The following SNX19 variants were observed in gnomAD, a reference collection of about 807,000 sequenced individuals.
The protein encoded by SNX19 is sorting nexin 19, also known as sorting nexin-19.
In SNX19, 60 loss-of-function variants were observed where a neutral mutation model predicts 85.2. The observed-to-expected ratio is 0.70, with a 90% CI of 0.57 to 0.87. The LOEUF (loss-of-function observed/expected upper bound fraction) is 0.87, where lower values mean the gene tolerates loss of function less well. Ranked by LOEUF, SNX19 falls within the 40% of genes least tolerant of loss-of-function variation. The pLI is 0.00. For missense variants in SNX19, 1,201 were observed against 1,217.8 expected (o/e 0.99, Z 0.21); for synonymous variants, 520 against 470.0 (o/e 1.11, Z -1.38).
chr11:130,871,104 C>CA lies in SNX19; in HGVS notation c.*7317dup, dbSNP rs978650953. On this transcript the variant is annotated 3_prime_UTR_variant, in exon 11 of 11. Coordinates refer to ENST00000265909, the MANE Select transcript of SNX19 (RefSeq NM_014758.3). ...TACCACGTGGAAGGAAGGACATGAA[C>CA]AAAAAAATGAAAGCAGGAAGGAACA... Among the ~76,000 whole-genome samples the CA allele has an allele frequency of 6.6e-6, 1 of 151,846 alleles. No homozygotes were observed. The highest frequency in any genetic ancestry group is 2.4e-5 in the African/African-American group (1 of 41,332).
In SNX19 at chr11:130,916,077, A is replaced by G; in HGVS notation, c.-138T>C. On this transcript the variant is annotated 5_prime_UTR_variant, in exon 1 of 11. Transcript: ENST00000265909. ...CAGGGAACCGGGGCTCCAGGCCCTCAAAGTCCTACAGGCACTGCAAAGCGA... is the reference window on the plus strand; with the variant it reads ...CAGGGAACCGGGGCTCCAGGCCCTCGAAGTCCTACAGGCACTGCAAAGCGA... The G allele has an allele frequency of 1.4e-6, 1 of 724,516 alleles. No individual in the cohort carries two copies. Among genetic ancestry groups the G allele is most frequent in the Non-Finnish European group, 2.3e-6 (1 of 441,992 alleles). The allele number at this position is 724,516 out of a possible 1,614,324, so 44.9% of individuals were successfully genotyped here. A position where few individuals can be genotyped will look rare whatever the true frequency, so the allele number is the denominator to read the frequency against.
intron 8 of SNX19, among the ~76,000 whole-genome samples, chr11:130,881,294 G>A (rs1943646733): frequency 6.6e-6 from 1 of 152,198 alleles, no homozygotes; most frequent in Non-Finnish European, 1.5e-5. Flanking sequence ...CAATTCAACA[G>A]CCTGGGATAA....
intron 8 of SNX19, among the ~76,000 whole-genome samples, chr11:130,890,058 C>G (rs1271130655): frequency 6.6e-6 from 1 of 152,106 alleles, no homozygotes; most frequent in Non-Finnish European, 1.5e-5. Context: ...TAATCTATTA[C>G]TTTAGTAAGC....
At chr11:130,887,747 T>C (rs1944190770) in intron 8 of SNX19, among the ~76,000 whole-genome samples, 1 of 152,186 alleles carries the variant, frequency 6.6e-6, no homozygotes, top group African/African-American at 2.4e-5. Flanking sequence ...TCAGCTATTA[T>C]TTCTCCCCTA....
chr11:130,867,792 C>G lies in SNX19; in HGVS notation c.*10630G>C, dbSNP rs1417108664. 2 of 152,130 alleles carry G rather than the reference C, an allele frequency of 1.3e-5. No homozygotes were observed. Among genetic ancestry groups the G allele is most frequent in the Admixed American group, 1.3e-4 (2 of 15,264 alleles). 9.4% of individuals were successfully genotyped at this position (152,130 alleles called of 1,614,324 possible). A position where few individuals can be genotyped will look rare whatever the true frequency, so the allele number is the denominator to read the frequency against. On this transcript the variant is annotated 3_prime_UTR_variant, in exon 11 of 11. Coordinates refer to ENST00000265909, the MANE Select transcript of SNX19 (RefSeq NM_014758.3). ...CTGATATTACCAAGCTGGACAGCAT[C>G]TTTTCTATGATCCAGTTCAACTTCT... is the stretch of plus-strand genomic sequence containing the variant.
chr11:130,905,195 T>C (rs531028594), intron 7 of SNX19, among the ~76,000 whole-genome samples: 7 of 152,214 alleles, frequency 4.6e-5, no homozygotes, highest in African/African-American at 7.2e-5. Context: ...AGTACACATC[T>C]GCTCTTCTTC....
intron 8 of SNX19, among the ~76,000 whole-genome samples, chr11:130,882,725 A>C (rs1943767630): frequency 6.6e-6 from 1 of 152,178 alleles, no homozygotes; most frequent in South Asian, 2.1e-4. Flanking sequence ...CACTAGAGGG[A>C]GGTGGCTGCA....
chr11:130,910,479 T>A, intron 2 of SNX19, 109 bp from the exon 3 acceptor site: 1 of 842,932 alleles, frequency 1.2e-6, no homozygotes, highest in Non-Finnish European at 1.8e-6. Context: ...TTTCCTTGGA[T>A]TAAAAAAAAC....
chr11:130,898,805 C>T (rs1945054175), intron 8 of SNX19, among the ~76,000 whole-genome samples: 1 of 152,196 alleles, frequency 6.6e-6, no homozygotes, highest in African/African-American at 2.4e-5. Flanking sequence ...CTTAGGTTAG[C>T]TGCAAGTGTG....
At chr11:130,908,371 C>T (rs1296869415) in intron 4 of SNX19, 8 of 235,288 alleles carry the variant, frequency 3.4e-5, no homozygotes, top group Admixed American at 5.2e-5. Context: ...CTGAGTTCTG[C>T]GGGCTGGTGA....
intron 8 of SNX19, among the ~76,000 whole-genome samples, chr11:130,886,214 T>A (rs1406027201): frequency 6.6e-6 from 1 of 152,170 alleles, no homozygotes; most frequent in African/African-American, 2.4e-5. Context: ...AGAGGTCATA[T>A]CATCTGTTTT....
chr11:130,891,481 C>T (rs1375436563), intron 8 of SNX19, among the ~76,000 whole-genome samples: 1 of 152,116 alleles, frequency 6.6e-6, no homozygotes, highest in Non-Finnish European at 1.5e-5. Context: ...GTCAATTTTC[C>T]TGGGAAATAG....
At chr11:130,908,502 A>G (rs535043606) in intron 4 of SNX19, among the ~76,000 whole-genome samples, 1 of 152,364 alleles carries the variant, frequency 6.6e-6, no homozygotes, top group East Asian at 1.9e-4. Context: ...AGAGAAAGGA[A>G]AAGTGAAGAA....
chr11:130,879,292 C>G (rs1416545848), intron 10 of SNX19, among the ~76,000 whole-genome samples: 1 of 152,178 alleles, frequency 6.6e-6, no homozygotes, highest in Admixed American at 6.5e-5. Context: ...TTGGAAAGAG[C>G]ACTGAGCAAG....
Position 130,878,341 on chromosome 11 carries a change from G to A in SNX19, c.*81C>T, listed in dbSNP as rs1943385862. 3 of 1,480,284 alleles carry A rather than the reference G, an allele frequency of 2.0e-6. No homozygotes were observed. The highest frequency in any genetic ancestry group is 2.8e-5 in the African/African-American group (2 of 71,550). The allele number at this position is 1,480,284 out of a possible 1,614,324, so 91.7% of individuals were successfully genotyped here. ...CCTTCTTAGCTGTAGCCTACTTGAA[G>A]AGGGCACGGGCTTCCTGACTGGTCT... On this transcript the variant is annotated 3_prime_UTR_variant, in exon 11 of 11. Coordinates refer to ENST00000265909, the MANE Select transcript of SNX19 (RefSeq NM_014758.3).
intron 8 of SNX19, chr11:130,894,700 CAGAA>C: frequency 1.0e-6 from 1 of 985,410 alleles, no homozygotes; most frequent in Non-Finnish European, 1.2e-6. Context: ...AACACACATT[CAGAA>C]AGAAGCTGGC....
chr11:130,893,224 A>T (rs1189061009), intron 8 of SNX19, among the ~76,000 whole-genome samples: 1 of 152,198 alleles, frequency 6.6e-6, no homozygotes, highest in Non-Finnish European at 1.5e-5. Flanking sequence ...TGCTCGCAGA[A>T]GGGGCTGACC....
chr11:130,914,664 C>T lies in SNX19; in HGVS notation c.1276G>A (p.Glu426Lys). 1 of 1,613,970 alleles carries T rather than the reference C, an allele frequency of 6.2e-7. No homozygotes were observed. Among genetic ancestry groups the T allele is most frequent in the African/African-American group, 1.3e-5 (1 of 75,030 alleles). ...GEASEGAEAE[E>K]GPGTETETGL... ...GTCTCTGTTTCTGTCCCTGGACCCT[C>T]CTCAGCCTCTGCTCCTTCAGATGCC... Residue 426 changes from glutamate to lysine, a missense_variant, in exon 1 of 11, where the codon GAG becomes AAG. Glu to Lys is a moderately conservative substitution (Grantham distance 56). Transcript: ENST00000265909.
chr11:130,914,516 G>A lies in SNX19; in HGVS notation c.1424C>T (p.Thr475Ile). The A allele has an allele frequency of 1.9e-6, 3 of 1,613,968 alleles. No homozygotes were observed. The highest frequency in any genetic ancestry group is 2.5e-6 in the Non-Finnish European group (3 of 1,179,866). Residue 475 changes from threonine (T) to isoleucine (I), a missense_variant, in exon 1 of 11, where the codon ACC (threonine) becomes ATC (isoleucine). This residue lies in a region of SNX19 where 791 missense variants were observed against 750.9 expected (regional missense o/e 1.05). Transcript: ENST00000265909. ...VTALLEGPEK[T>I]CPSRPSCLEK... ...TAAGCATGACGGCCGTGAGGGGCAGGTCTTTTCTGGCCCCTCCAGCAAAGC... is the reference window on the plus strand; with the variant it reads ...TAAGCATGACGGCCGTGAGGGGCAGATCTTTTCTGGCCCCTCCAGCAAAGC...
Sources: gnomAD v4.1 joint callset for allele counts (sites outside exome capture counted in the v4.1 genomes callset) on GRCh38, gnomAD v4.1.1 for gene constraint, gnomAD v4.1.1 regional missense constraint, MANE v1.5 for transcripts, NCBI Gene and HGNC (gene_info 2026-07-23, HGNC 2026-07-21) for gene names.